The following CHD1 variants were observed in gnomAD, a reference collection of about 807,000 sequenced individuals.
CHD1 encodes the protein chromodomain helicase DNA binding protein 1.
CHD1 carries 36 observed loss-of-function variants against 224.2 expected under a neutral mutation model. The observed-to-expected ratio is 0.16, with a 90% CI of 0.12 to 0.21. The LOEUF is 0.21. CHD1 is among the 10% of genes least tolerant of loss of function. The probability of loss-of-function intolerance (pLI) is 1.00; values close to 1 mark genes in which losing one functional copy is unlikely to be tolerated. For missense variants in CHD1, 1,378 were observed against 1,994.8 expected, an observed-to-expected ratio of 0.69 and a Z score of 5.89; for synonymous variants, 668 against 658.3, an observed-to-expected ratio of 1.01 and a Z score of -0.23.
chr5:98,896,594 G>A, intron 11 of CHD1, 152 bp from the exon 12 acceptor site: 1 of 608,418 alleles, frequency 1.6e-6, no homozygotes. Flanking sequence ...AATAATAAAT[G>A]TAAAGGTATC....
In CHD1 at chr5:98,904,952, T is replaced by C. The variant is rs1751953639; in HGVS notation, c.200A>G (p.Asp67Gly). 1.2e-6 allele frequency: 2 copies of C among 1,613,422 alleles called. No individual in the cohort carries two copies. Among genetic ancestry groups the C allele is most frequent in the Non-Finnish European group, 1.7e-6 (2 of 1,179,436 alleles). The part of the protein sequence containing the change: ...ESGSQSESES[D>G]TSRENKVQAK... ...TTGAACTTTGTTTTCTCGGGAAGTGTCTGACTCAGACTCTGACTGACTGCC... is the reference window on the plus strand; with the variant it reads ...TTGAACTTTGTTTTCTCGGGAAGTGCCTGACTCAGACTCTGACTGACTGCC... The change falls in exon 3 of 36, where the codon GAC becomes GGC. Residue 67 changes from aspartate to glycine, a missense_variant. Physicochemically the swap from Asp to Gly is moderately conservative, Grantham distance 94 (BLOSUM62 -1). This residue lies in a region of CHD1 where 306 missense variants were observed against 298.1 expected (regional missense o/e 1.03). Coordinates refer to ENST00000614616, the MANE Select transcript of CHD1 (RefSeq NM_001270.4).
At chr5:98,911,189 A>G (rs1330298257) in intron 2 of CHD1, among the ~76,000 whole-genome samples, 2 of 141,528 alleles carry the variant, frequency 1.4e-5, no homozygotes, top group African/African-American at 5.3e-5. Context: ...AGGCATGTCA[A>G]AAAGGACAGA....
intron 7 of CHD1, among the ~76,000 whole-genome samples, 200 bp from the exon 8 acceptor site, chr5:98,899,905 T>C (rs1751583549): frequency 6.6e-6 from 1 of 152,110 alleles, no homozygotes; most frequent in South Asian, 2.1e-4. Context: ...TCCCCTCCTT[T>C]TTCGAATTAG....
chr5:98,924,642 A>AC (rs1395876977), intron 2 of CHD1, among the ~76,000 whole-genome samples: 1 of 152,230 alleles, frequency 6.6e-6, no homozygotes, highest in Non-Finnish European at 1.5e-5. Flanking sequence ...AGTATGTATG[A>AC]AAGCTGATAA....
intron 2 of CHD1, among the ~76,000 whole-genome samples, chr5:98,914,984 C>G (rs185956847): frequency 1.3e-5 from 2 of 152,250 alleles, no homozygotes; most frequent in African/African-American, 4.8e-5. Context: ...TAGAAAGAAT[C>G]TGGAAAGTAG....
At chr5:98,892,902 T>C (rs894373616) in intron 14 of CHD1, among the ~76,000 whole-genome samples, 189 bp from the exon 15 acceptor site, 3 of 152,098 alleles carry the variant, frequency 2.0e-5, no homozygotes, top group African/African-American at 7.2e-5. Context: ...ATATAATTAG[T>C]TGTTTTATAA....
intron 30 of CHD1, chr5:98,869,215 T>C (rs1377372358): frequency 1.5e-5 from 15 of 982,170 alleles, no homozygotes; most frequent in Non-Finnish European, 1.8e-5. Context: ...GCTCAGGTTT[T>C]TCTTCACTGT....
At chr5:98,927,674 G>C (rs1321691907) in intron 1 of CHD1, among the ~76,000 whole-genome samples, 1 of 152,112 alleles carries the variant, frequency 6.6e-6, no homozygotes, top group Non-Finnish European at 1.5e-5. Context: ...GAACAATTAA[G>C]TCTTAAAAAA....
Position 98,869,750 on chromosome 5 carries a change from T to C in CHD1, c.4107+4A>G. ...AAGGTTGTTGTTCTAAAACACATTC[T>C]TACTTTATCATCATCTTCATCAGAC... On this transcript the variant is annotated splice_donor_region_variant and intron_variant, in intron 30 of 35. Coordinates refer to ENST00000614616, the MANE Select transcript of CHD1 (RefSeq NM_001270.4). 1 of 1,613,036 alleles carries C rather than the reference T, an allele frequency of 6.2e-7. No individual in the cohort carries two copies. The highest frequency in any genetic ancestry group is 8.5e-7 in the Non-Finnish European group (1 of 1,179,526).
Position 98,898,410 on chromosome 5 carries a change from G to A in CHD1, c.1211C>T (p.Ala404Val). 6.3e-7 allele frequency: 1 copy of A among 1,576,286 alleles called. No homozygotes were observed. Among genetic ancestry groups the A allele is most frequent in the African/African-American group, 1.4e-5 (1 of 73,276 alleles). ...IIAHSNQKSA[A>V]GYPDYYCKWQ... ...TTTGCAGTAATAATCAGGATAACCA[G>A]CTGCTGACTTTTGATTGGAATGAGC... Residue 404 changes from alanine to valine, a missense_variant, in exon 10 of 36, where the codon GCT becomes GTT. Ala to Val is a moderately conservative substitution (Grantham distance 64, BLOSUM62 0). Coordinates refer to ENST00000614616, the MANE Select transcript of CHD1 (RefSeq NM_001270.4).
chr5:98,912,383 T>C (rs1752480182), intron 2 of CHD1, among the ~76,000 whole-genome samples: 1 of 152,018 alleles, frequency 6.6e-6, no homozygotes, highest in South Asian at 2.1e-4. Flanking sequence ...AGAAGGCAAA[T>C]GTCAAACTGG....
At position 98,874,474 on chromosome 5, in the gene CHD1, C is replaced by T. The variant is rs372917693; in HGVS notation, c.3440+598G>A. On this transcript the variant is annotated intron_variant, in intron 25 of 35. Transcript: ENST00000614616. ...TTAGCCTTTGGGAGGCTGAGGCAGG[C>T]GGATCACCTGAATTCAGGAGTTCTA... is the stretch of plus-strand genomic sequence containing the variant. 3.5e-5 allele frequency among the ~76,000 whole-genome samples: 5 copies of T among 141,776 alleles called. No homozygotes were observed. In the South Asian group the frequency reaches 1.1e-3, roughly 32 times the overall value. The allele number at this position is 141,776 out of a possible 152,430, so 93.0% of individuals were successfully genotyped here.
intron 18 of CHD1, chr5:98,883,851 ATATATATATATTTTTTTTTT>A (rs1750406306): frequency 2.9e-5 from 1 of 34,798 alleles, no homozygotes; most frequent in African/African-American, 1.1e-4. Flanking sequence ...ATATATATAT[ATATATATATATTTTTTTTTT>A]TTTTTTTTTT....
At chr5:98,906,074 C>CT (rs1477960878) in intron 2 of CHD1, among the ~76,000 whole-genome samples, 4 of 151,620 alleles carry the variant, frequency 2.6e-5, no homozygotes, top group Non-Finnish European at 4.4e-5. Flanking sequence ...AGGTATTACT[C>CT]TAAGACAACA....
intron 1 of CHD1, among the ~76,000 whole-genome samples, chr5:98,927,251 C>T (rs1199703526): frequency 6.6e-6 from 1 of 152,064 alleles, no homozygotes; most frequent in Non-Finnish European, 1.5e-5. Context: ...CCAAGACACA[C>T]CATTTCCACC....
rs11295695 is a variant in CHD1 at position 98,881,252 on chromosome 5, C to CTT, written c.2964+25_2964+26dup. The CTT allele has an allele frequency of 5.2e-3, 3,476 of 673,848 alleles. 32 individuals are homozygous for CTT. Among genetic ancestry groups the CTT allele is most frequent in the South Asian group, 7.9e-3 (351 of 44,690 alleles). The allele number at this position is 673,848 out of a possible 1,614,324, so 41.7% of individuals were successfully genotyped here. ...ATATGACACATATTCTGAGGCAGGCCTTTTTTTTTTTTTTTTTTTTTTTTA... is the reference window on the plus strand; with the variant it reads ...ATATGACACATATTCTGAGGCAGGCCTTTTTTTTTTTTTTTTTTTTTTTTTTA... On this transcript the variant is annotated intron_variant, in intron 21 of 35. Transcript: ENST00000614616.
rs774961308 is a variant in CHD1 at position 98,888,074 on chromosome 5, A to C, written c.2496+14T>G. The C allele has an allele frequency of 1.3e-6, 2 of 1,516,588 alleles. No homozygotes were observed. The highest frequency in any genetic ancestry group is 9.0e-7 in the Non-Finnish European group (1 of 1,111,356). 93.9% of individuals were successfully genotyped at this position (1,516,588 alleles called of 1,614,324 possible). On this transcript the variant is annotated intron_variant, in intron 17 of 35. Transcript: ENST00000614616. ...AGATAAAATTTAAAACAACAAATAC[A>C]ATTAAATGCTTACTTGAAAGGGGAA...
chr5:98,868,458 T>C, intron 31 of CHD1, 37 bp downstream of exon 31: 1 of 1,552,716 alleles, frequency 6.4e-7, no homozygotes, highest in Non-Finnish European at 8.7e-7. Context: ...AAATGTTTTA[T>C]GAGTTAATAC....
intron 31 of CHD1, among the ~76,000 whole-genome samples, chr5:98,864,509 T>C (rs1402225145): frequency 2.4e-5 from 3 of 126,680 alleles, no homozygotes; most frequent in African/African-American, 9.8e-5. Context: ...GAGATCCTGA[T>C]TCTATACCAA....
Sources: gnomAD v4.1 joint callset for allele counts (sites outside exome capture counted in the v4.1 genomes callset) on GRCh38, gnomAD v4.1.1 for gene constraint, gnomAD v4.1.1 regional missense constraint, MANE v1.5 for transcripts, NCBI Gene and HGNC (gene_info 2026-07-23, HGNC 2026-07-21) for gene names.